The following NRXN1 variants were observed in gnomAD, a reference collection of about 807,000 sequenced individuals.
NRXN1 encodes neurexin-1.
A neutral mutation model predicts 150.9 loss-of-function variants in NRXN1; 39 were observed. The observed-to-expected ratio is 0.26, with a 90% CI of 0.20 to 0.34. The LOEUF (loss-of-function observed/expected upper bound fraction) is 0.34. NRXN1 is among the 10% of genes least tolerant of loss of function. The pLI is 1.00. For missense variants in NRXN1, 1,815 were observed against 1,949.9 expected (o/e 0.93, Z 1.30); for synonymous variants, 924 against 757.0 (o/e 1.22, Z -3.62).
intron 5 of NRXN1, among the ~76,000 whole-genome samples, chr2:50,888,430 G>A (rs1460621410): frequency 1.3e-5 from 2 of 151,518 alleles, no homozygotes; most frequent in Non-Finnish European, 3.0e-5. Flanking sequence ...GGCTAAGGTG[G>A]AACTGAAAGC....
At chr2:50,525,862 C>T (rs2092937582) in intron 12 of NRXN1, among the ~76,000 whole-genome samples, 1 of 152,172 alleles carries the variant, frequency 6.6e-6, no homozygotes, top group South Asian at 2.1e-4. Flanking sequence ...ACTTGGAATT[C>T]AGATCTGGCC....
chr2:50,831,634 G>T (rs1055092398), intron 5 of NRXN1, among the ~76,000 whole-genome samples: 2 of 152,166 alleles, frequency 1.3e-5, no homozygotes, highest in African/African-American at 4.8e-5. Flanking sequence ...TTAGAATACA[G>T]TTTGAAAACA....
chr2:51,017,160 G>A lies in NRXN1; in HGVS notation c.772+10342C>T, dbSNP rs183531926. ...AGGAGAAATACCTAATATAGATGAC[G>A]GATTGATAGGTGCAGCAAACCACCA... On this transcript the variant is annotated intron_variant, in intron 2 of 22. Coordinates refer to ENST00000401669, the MANE Select transcript of NRXN1 (RefSeq NM_001330078.2). Among the ~76,000 whole-genome samples the A allele has an allele frequency of 2.6e-5, 4 of 151,970 alleles. No individual in the cohort carries two copies. The East Asian group carries it at 5.9e-4, about 22-fold the overall frequency.
chr2:50,953,626 G>A (rs1051133757), intron 2 of NRXN1, among the ~76,000 whole-genome samples: 2 of 149,682 alleles, frequency 1.3e-5, no homozygotes, highest in African/African-American at 4.9e-5. Flanking sequence ...GCATGATCTC[G>A]GCTCACTGCA....
chr2:50,566,999 T>C (rs910230980), intron 8 of NRXN1, among the ~76,000 whole-genome samples: 1 of 152,168 alleles, frequency 6.6e-6, no homozygotes, highest in Non-Finnish European at 1.5e-5. Context: ...TAAAAAATAA[T>C]ATTAATAATA....
intron 21 of NRXN1, among the ~76,000 whole-genome samples, chr2:50,011,604 T>C (rs1685678352): frequency 6.6e-6 from 1 of 152,180 alleles, no homozygotes; most frequent in East Asian, 1.9e-4. Flanking sequence ...ATTTATATAA[T>C]TTTATAAAAT....
intron 21 of NRXN1, among the ~76,000 whole-genome samples, chr2:50,046,646 T>A (rs1691851399): frequency 6.6e-6 from 1 of 152,156 alleles, no homozygotes; most frequent in Admixed American, 6.5e-5. Flanking sequence ...ACTCCTATAA[T>A]CCTCACAATA....
At chr2:50,629,860 A>AAT (rs562762550) in intron 5 of NRXN1, among the ~76,000 whole-genome samples, 3 of 151,574 alleles carry the variant, frequency 2.0e-5, no homozygotes, top group Admixed American at 6.6e-5. Context: ...AGATTTAAAA[A>AAT]ATATATATAT....
At chr2:50,496,223 T>C (rs2091611254) in intron 14 of NRXN1, 128 bp from the exon 15 acceptor site, 4 of 625,030 alleles carry the variant, frequency 6.4e-6, no homozygotes, top group Admixed American at 6.1e-5. Flanking sequence ...GACAATAAGT[T>C]ACATAGAAAC....
chr2:49,972,049 T>C (rs1678053120), intron 21 of NRXN1, among the ~76,000 whole-genome samples: 1 of 152,180 alleles, frequency 6.6e-6, no homozygotes, highest in African/African-American at 2.4e-5. Context: ...CATTTAAACA[T>C]TTTAAATTTG....
intron 17 of NRXN1, among the ~76,000 whole-genome samples, chr2:50,403,015 A>G (rs540370830): frequency 6.6e-6 from 1 of 152,282 alleles, no homozygotes; most frequent in South Asian, 2.1e-4. Context: ...AGACACTTCC[A>G]TTAACAATTA....
intron 17 of NRXN1, among the ~76,000 whole-genome samples, chr2:50,337,304 C>T (rs1575135323): frequency 6.6e-6 from 1 of 152,070 alleles, no homozygotes; most frequent in East Asian, 1.9e-4. Flanking sequence ...AGGCTGGTCT[C>T]GAACTCCCGA....
intron 5 of NRXN1, among the ~76,000 whole-genome samples, chr2:50,869,356 T>C (rs1222834425): frequency 6.6e-6 from 1 of 151,702 alleles, no homozygotes; most frequent in Non-Finnish European, 1.5e-5. Context: ...TTATTATTAC[T>C]ATTGCTGCTA....
At chr2:50,681,330 C>A (rs1185629732) in intron 5 of NRXN1, among the ~76,000 whole-genome samples, 1 of 152,194 alleles carries the variant, frequency 6.6e-6, no homozygotes, top group African/African-American at 2.4e-5. Context: ...ATTGAATGAT[C>A]TTGATCTCTT....
chr2:50,989,689 C>G (rs1056533830), intron 2 of NRXN1, among the ~76,000 whole-genome samples: 13 of 151,964 alleles, frequency 8.6e-5, no homozygotes, highest in African/African-American at 2.9e-4. Flanking sequence ...GTCTGTCTAT[C>G]CACTAAGCAA....
In NRXN1 at chr2:49,945,626, G is replaced by C. The variant is rs1250025700; in HGVS notation, c.4129-1835C>G. 2.6e-5 allele frequency among the ~76,000 whole-genome samples: 4 copies of C among 152,200 alleles called. No homozygotes were observed. The East Asian group carries it at 7.8e-4, about 30-fold the overall frequency. On this transcript the variant is annotated intron_variant, in intron 21 of 22. Coordinates refer to ENST00000401669, the MANE Select transcript of NRXN1 (RefSeq NM_001330078.2). ...TTGTTCAACTCCCACTTATGAGTGA[G>C]AATATGCAGTGTTTGATTTTCAGTT...
At chr2:50,228,082 G>A (rs1010502865) in intron 18 of NRXN1, among the ~76,000 whole-genome samples, 1 of 151,944 alleles carries the variant, frequency 6.6e-6, no homozygotes, top group African/African-American at 2.4e-5. Context: ...TGACAGCTTG[G>A]CATAAGAAAC....
chr2:50,541,359 T>A (rs1355516479), intron 9 of NRXN1, among the ~76,000 whole-genome samples: 1 of 152,066 alleles, frequency 6.6e-6, no homozygotes, highest in Non-Finnish European at 1.5e-5. Flanking sequence ...ACTTTCTCCC[T>A]CTATTCCATG....
intron 2 of NRXN1, among the ~76,000 whole-genome samples, chr2:50,945,897 T>TACAC (rs1334585653): frequency 3.5e-5 from 5 of 143,918 alleles, no homozygotes; most frequent in Non-Finnish European, 7.5e-5. Flanking sequence ...TATATATATA[T>TACAC]ATACACACAC....
Sources: allele counts gnomAD v4.1 joint callset (sites outside exome capture counted in the v4.1 genomes callset), GRCh38; gene constraint gnomAD v4.1.1; transcripts MANE v1.5; gene names NCBI Gene and HGNC (gene_info 2026-07-23, HGNC 2026-07-21).